The following GALNTL6 variants were observed in gnomAD, a reference collection of about 807,000 sequenced individuals.
GALNTL6 encodes polypeptide N-acetylgalactosaminyltransferase-like 6.
GALNTL6 carries 46 observed loss-of-function variants against 73.7 expected under a neutral mutation model. The observed-to-expected ratio is 0.62, with a 90% CI of 0.49 to 0.80. The LOEUF is 0.80. GALNTL6 is among the 30% of genes least tolerant of loss of function. The pLI, the probability that GALNTL6 is intolerant of heterozygous loss-of-function variation, is 0.00. For missense variants in GALNTL6, 604 were observed against 755.0 expected (o/e 0.80, Z 2.34); for synonymous variants, 259 against 263.7 (o/e 0.98, Z 0.17).
chr4:172,663,080 A>T (rs1267349402), intron 5 of GALNTL6, among the ~76,000 whole-genome samples: 1 of 152,210 alleles, frequency 6.6e-6, no homozygotes, highest in Non-Finnish European at 1.5e-5. Context: ...GAAGCCCAGC[A>T]GTAAACATGT....
At chr4:172,763,230 T>TG (rs1738221678) in intron 5 of GALNTL6, among the ~76,000 whole-genome samples, 1 of 148,636 alleles carries the variant, frequency 6.7e-6, no homozygotes, top group African/African-American at 2.5e-5. Flanking sequence ...TCACAGCAAA[T>TG]GCACTGGTAA....
At chr4:171,874,485 T>A (rs1736222278) in intron 2 of GALNTL6, among the ~76,000 whole-genome samples, 1 of 152,180 alleles carries the variant, frequency 6.6e-6, no homozygotes, top group Non-Finnish European at 1.5e-5. Flanking sequence ...GGACTGCATC[T>A]GGCCTCATGT....
intron 5 of GALNTL6, among the ~76,000 whole-genome samples, chr4:172,480,128 T>C (rs1733389307): frequency 1.3e-5 from 2 of 152,134 alleles, no homozygotes; most frequent in Non-Finnish European, 2.9e-5. Context: ...AGTTCAAGAC[T>C]ATGTCTCTAC....
intron 2 of GALNTL6, among the ~76,000 whole-genome samples, chr4:172,170,150 A>G (rs1734763600): frequency 6.6e-6 from 1 of 152,162 alleles, no homozygotes; most frequent in Non-Finnish European, 1.5e-5. Flanking sequence ...TCTTCCTGAT[A>G]TAACTGCACT....
intron 5 of GALNTL6, among the ~76,000 whole-genome samples, chr4:172,658,570 G>C (rs895360631): frequency 6.6e-6 from 1 of 152,070 alleles, no homozygotes; most frequent in African/African-American, 2.4e-5. Context: ...GGGGAAACGG[G>C]GACAGGGATG....
At chr4:172,852,565 A>G (rs1015090928) in intron 7 of GALNTL6, among the ~76,000 whole-genome samples, 2 of 152,180 alleles carry the variant, frequency 1.3e-5, no homozygotes, top group African/African-American at 2.4e-5. Flanking sequence ...GCAGTCTTGC[A>G]GCATTGAGTT....
chr4:172,073,656 T>A (rs1045619602), intron 2 of GALNTL6, among the ~76,000 whole-genome samples: 4 of 152,236 alleles, frequency 2.6e-5, no homozygotes, highest in African/African-American at 9.6e-5. Flanking sequence ...ATTGACTAGA[T>A]GTTCTGAAGC....
intron 2 of GALNTL6, among the ~76,000 whole-genome samples, chr4:171,829,131 C>G (rs1013078753): frequency 8.5e-5 from 13 of 152,122 alleles, no homozygotes; most frequent in African/African-American, 3.1e-4. Context: ...GTCAATATCC[C>G]TAGCCCCAGC....
chr4:172,017,853 G>GTTGTCATGT (rs1311954814), intron 2 of GALNTL6, among the ~76,000 whole-genome samples: 1 of 152,036 alleles, frequency 6.6e-6, no homozygotes, highest in Non-Finnish European at 1.5e-5. Flanking sequence ...GTCCTGTGAT[G>GTTGTCATGT]GGACCCATTT....
intron 2 of GALNTL6, among the ~76,000 whole-genome samples, chr4:171,913,426 A>T (rs1455873571): frequency 1.3e-5 from 2 of 152,180 alleles, no homozygotes; most frequent in Non-Finnish European, 2.9e-5. Flanking sequence ...TATGAATATT[A>T]TTGCCACCCA....
intron 5 of GALNTL6, among the ~76,000 whole-genome samples, chr4:172,664,271 T>A (rs533078337): frequency 6.6e-6 from 1 of 152,316 alleles, no homozygotes; most frequent in African/African-American, 2.4e-5. Flanking sequence ...ATCTGGAATG[T>A]ATATTAAAGG....
Position 171,962,155 on chromosome 4 carries a change from T to C in GALNTL6, c.138+147437T>C, listed in dbSNP as rs543037983. Reference sequence around the variant, plus strand: ...TCGCCCCTATCCAACCTGAAGAAGTTACAGAAGATGGATCATTATTTGTCT... The same window carrying C: ...TCGCCCCTATCCAACCTGAAGAAGTCACAGAAGATGGATCATTATTTGTCT... On this transcript the variant is annotated intron_variant, in intron 2 of 12. Coordinates refer to ENST00000506823, the MANE Select transcript of GALNTL6 (RefSeq NM_001034845.3). Among the ~76,000 whole-genome samples the C allele has an allele frequency of 2.7e-4, 41 of 152,284 alleles. 1 individual carries two copies. The highest frequency in any genetic ancestry group is 3.4e-3 in the Middle Eastern group (1 of 294).
At chr4:172,197,389 G>A (rs925937050) in intron 2 of GALNTL6, among the ~76,000 whole-genome samples, 14 of 152,130 alleles carry the variant, frequency 9.2e-5, no homozygotes, top group Admixed American at 4.6e-4. Context: ...TAGATTCAAT[G>A]CTATTCCCAT....
At chr4:172,783,806 G>T (rs1341587645) in intron 5 of GALNTL6, among the ~76,000 whole-genome samples, 1 of 152,010 alleles carries the variant, frequency 6.6e-6, no homozygotes, top group South Asian at 2.1e-4. Flanking sequence ...AAGCACTTGA[G>T]AAATGAGCTT....
intron 5 of GALNTL6, among the ~76,000 whole-genome samples, chr4:172,656,104 C>G (rs1196088145): frequency 1.3e-5 from 2 of 152,204 alleles, no homozygotes; most frequent in African/African-American, 2.4e-5. Flanking sequence ...ATGGCACCAG[C>G]TTTCGAGAAA....
At chr4:171,890,484 G>T (rs1230393051) in intron 2 of GALNTL6, among the ~76,000 whole-genome samples, 2 of 151,984 alleles carry the variant, frequency 1.3e-5, no homozygotes, top group Non-Finnish European at 2.9e-5. Context: ...TTCCCTATCT[G>T]TTTATAGAAA....
intron 5 of GALNTL6, among the ~76,000 whole-genome samples, chr4:172,583,893 CAAA>C (rs57722016): frequency 3.2e-5 from 1 of 31,616 alleles, no homozygotes; most frequent in African/African-American, 8.5e-5. Flanking sequence ...GACTCTGTCT[CAAA>C]AAAAAAAAAA....
At chr4:172,831,902 G>A (rs527867057) in intron 7 of GALNTL6, among the ~76,000 whole-genome samples, 1 of 152,262 alleles carries the variant, frequency 6.6e-6, no homozygotes, top group East Asian at 1.9e-4. Flanking sequence ...GCTGTCCCCA[G>A]AACCGGACTG....
chr4:172,539,498 A>G (rs941716620), intron 5 of GALNTL6, among the ~76,000 whole-genome samples: 3 of 151,966 alleles, frequency 2.0e-5, no homozygotes, highest in Admixed American at 1.3e-4. Context: ...CTCTTTTTCT[A>G]TTTCCACATT....
Sources: gnomAD v4.1 joint callset for allele counts (sites outside exome capture counted in the v4.1 genomes callset) on GRCh38, gnomAD v4.1.1 for gene constraint, MANE v1.5 for transcripts, NCBI Gene and HGNC (gene_info 2026-07-23, HGNC 2026-07-21) for gene names.